LILRB4: variants seen among roughly 807,000 people sequenced by gnomAD.
LILRB4 encodes the protein leukocyte immunoglobulin-like receptor subfamily B member 4.
Under a neutral mutation model 55.2 loss-of-function variants are expected in LILRB4, and 49 were observed. The ratio of observed to expected loss-of-function variants is 0.89; its 90% CI spans 0.71 to 1.13. The LOEUF (loss-of-function observed/expected upper bound fraction) is 1.13, where lower values mean the gene tolerates loss of function less well. LILRB4 is among the 50% of genes most tolerant of loss of function. The pLI is 0.00. For missense variants in LILRB4, 590 were observed against 555.2 expected, an observed-to-expected ratio of 1.06 and a Z score of -0.63; for synonymous variants, 229 against 213.8, an observed-to-expected ratio of 1.07 and a Z score of -0.62.
rs960308849 is a variant in LILRB4, at chr19:54,666,632, C to T, written c.989-65C>T. ...GGCACTAATGGGAACAGGGCAGGGACCAGCAGGAATGAGAGGTCCCAGGGA... is the reference window on the plus strand; with the variant it reads ...GGCACTAATGGGAACAGGGCAGGGATCAGCAGGAATGAGAGGTCCCAGGGA... On this transcript the variant is annotated intron_variant, in intron 9 of 11. Coordinates refer to ENST00000430952, the Ensembl canonical transcript of LILRB4. This position sits in a 1 kb window ranked among gnomAD's most constrained non-coding sequence, Gnocchi z 4.8. The T allele has an allele frequency of 6.4e-7, 1 of 1,552,178 alleles. No homozygotes were observed. Among genetic ancestry groups the T allele is most frequent in the African/African-American group, 1.4e-5 (1 of 73,686 alleles).
Position 54,667,636 on chromosome 19 carries a change from A to C in LILRB4, c.1042-2A>C, listed in dbSNP as rs747155059. The C allele has an allele frequency of 6.2e-7, 1 of 1,610,242 alleles. No homozygotes were observed. The highest frequency in any genetic ancestry group is 1.7e-5 in the Admixed American group (1 of 59,870). ...CCCCCCACCACTGTCTCTCTCCAGCAGAGCCCACACGATGAAGACCCCCAG... is the reference window on the plus strand; with the variant it reads ...CCCCCCACCACTGTCTCTCTCCAGCCGAGCCCACACGATGAAGACCCCCAG... On this transcript the variant is annotated splice_acceptor_variant, in intron 10 of 11. Coordinates refer to ENST00000430952, the Ensembl canonical transcript of LILRB4. LOFTEE classifies it high-confidence loss of function.
Position 54,666,272 on chromosome 19 carries a change from G to T in LILRB4, c.907G>T (p.Gly303Trp), listed in dbSNP as rs200205238. Residue 303 changes from glycine to tryptophan, a missense_variant, in exon 8 of 12, where the codon GGG becomes TGG. Transcript: ENST00000430952. The surrounding 1 kb of genome is among the most constrained non-coding windows in gnomAD (Gnocchi z 4.8). The stretch of plus-strand genomic sequence containing the variant: ...ACAGGCTGATTTCCAACGTCCTCCA[G>T]GGGCTGCCGAGCCAGAGCCCAAGGA... 8 of 1,608,888 alleles carry T rather than the reference G, an allele frequency of 5.0e-6. No homozygotes were observed. In the African/African-American group the frequency reaches 1.1e-4, roughly 22 times the overall value.
chr19:54,667,519 C>A, intron 10 of LILRB4, 116 bp from the exon 11 acceptor site: 1 of 1,543,100 alleles, frequency 6.5e-7, no homozygotes, highest in Non-Finnish European at 8.7e-7. Context: ...CTTAGGGCAT[C>A]CCTGAGATTC....
chr19:54,663,016 C>T (rs1176233164), exon 1 of LILRB4: 2 of 1,613,882 alleles, frequency 1.2e-6, no homozygotes, highest in East Asian at 2.2e-5. Flanking sequence ...ACAGCTGGGG[C>T]CCCTGGGAGG....
chr19:54,667,908 C>T (rs191773308), exon 12 of LILRB4: 116 of 1,611,768 alleles, frequency 7.2e-5, no homozygotes, highest in East Asian at 2.2e-4. Flanking sequence ...ATGTGACCTA[C>T]GCCCGGCTGC....
chr19:54,663,319 G>A (rs1288595671), intron 1 of LILRB4, among the ~76,000 whole-genome samples: 2 of 151,854 alleles, frequency 1.3e-5, no homozygotes, highest in Non-Finnish European at 2.9e-5. Context: ...GGTTGCAGGC[G>A]CCTGTGGTCC....
rs1423505548 is a variant in LILRB4, at chr19:54,666,528, G to A, written c.988+92G>A. 6.6e-7 allele frequency: 1 copy of A among 1,521,910 alleles called. No homozygotes were observed. Among genetic ancestry groups the A allele is most frequent in the Admixed American group, 1.7e-5 (1 of 57,316 alleles). 94.3% of individuals were successfully genotyped at this position (1,521,910 alleles called of 1,614,324 possible). ...GGGGCAGGAGCACAGGCTAGGATTG[G>A]TCAGGGACTCAGGGAGAAGTGGTCT... On this transcript the variant is annotated intron_variant, in intron 9 of 11. Coordinates refer to ENST00000430952, the Ensembl canonical transcript of LILRB4. This position sits in a 1 kb window ranked among gnomAD's most constrained non-coding sequence, Gnocchi z 4.8.
At chr19:54,664,032 A>G (rs1200538291) in exon 3 of LILRB4, 2 of 1,593,746 alleles carry the variant, frequency 1.3e-6, no homozygotes, top group South Asian at 1.1e-5. Flanking sequence ...GGAGCTGGTG[A>G]TGACAGGTGA....
exon 12 of LILRB4, chr19:54,668,278 A>T (rs2065387714): frequency 6.1e-6 from 3 of 488,294 alleles, no homozygotes; most frequent in South Asian, 7.3e-5. Context: ...AATGTTTTAA[A>T]TTGAATGATC....
chr19:54,666,688 C>G lies in LILRB4; in HGVS notation c.989-9C>G, dbSNP rs769135058. 33 of 1,613,782 alleles carry G rather than the reference C, an allele frequency of 2.0e-5. 1 individual carries two copies. In the South Asian group the frequency reaches 2.6e-4, roughly 13 times the overall value. ...CCCAGGAGATGAACCCCTTGCTCTA[C>G]CCCAGCAGGTGCTGCCGTGAAGAAC... On this transcript the variant is annotated splice_polypyrimidine_tract_variant and intron_variant, in intron 9 of 11. Transcript: ENST00000430952. This position sits in a 1 kb window ranked among gnomAD's most constrained non-coding sequence, Gnocchi z 4.8.
rs764710142 is a variant in LILRB4, at chr19:54,665,936, G to A, written c.874+5G>A. Reference sequence around the variant, plus strand: ...AGGGAAAACACAGGACATTGGGTAAGTAGGAAATTGGGGGACCCGTGGGCT... The same window carrying A: ...AGGGAAAACACAGGACATTGGGTAAATAGGAAATTGGGGGACCCGTGGGCT... On this transcript the variant is annotated splice_donor_5th_base_variant and intron_variant, in intron 7 of 11. Coordinates refer to ENST00000430952, the Ensembl canonical transcript of LILRB4. The surrounding 1 kb of genome is among the most constrained non-coding windows in gnomAD (Gnocchi z 5.5). 2 of 1,613,986 alleles carry A rather than the reference G, an allele frequency of 1.2e-6. No homozygotes were observed. Among genetic ancestry groups the A allele is most frequent in the South Asian group, 2.2e-5 (2 of 91,056 alleles).
In LILRB4 at chr19:54,666,532, G is replaced by A; in HGVS notation, c.988+96G>A. On this transcript the variant is annotated intron_variant, in intron 9 of 11. Coordinates refer to ENST00000430952, the Ensembl canonical transcript of LILRB4. This position sits in a 1 kb window ranked among gnomAD's most constrained non-coding sequence, Gnocchi z 4.8. ...CAGGAGCACAGGCTAGGATTGGTCA[G>A]GGACTCAGGGAGAAGTGGTCTGAAC... 2 of 1,506,940 alleles carry A rather than the reference G, an allele frequency of 1.3e-6. No individual in the cohort carries two copies. Among genetic ancestry groups the A allele is most frequent in the Non-Finnish European group, 1.8e-6 (2 of 1,094,364 alleles). The allele number at this position is 1,506,940 out of a possible 1,614,324, so 93.3% of individuals were successfully genotyped here.
rs547079773 is a variant in LILRB4 at position 54,664,914 on chromosome 19, A to G, written c.706+65A>G. The G allele has an allele frequency of 3.5e-5, 52 of 1,477,058 alleles. No homozygotes were observed. In the South Asian group the frequency reaches 5.4e-4, roughly 15 times the overall value. The allele number at this position is 1,477,058 out of a possible 1,614,324, so 91.5% of individuals were successfully genotyped here. ...CCGAGGCCTGTCTCAAGACATGCTC[A>G]GTGGATCTAAGTCCTCGTTCCAATT... On this transcript the variant is annotated intron_variant, in intron 5 of 11. Transcript: ENST00000430952.
chr19:54,663,051 G>A lies in LILRB4; in HGVS notation c.18G>A (p.Thr6=), dbSNP rs36220282. 1.8e-3 allele frequency: 2,942 copies of A among 1,613,792 alleles called. 9 individuals are homozygous for A. The highest frequency in any genetic ancestry group is 8.3e-3 in the Middle Eastern group (50 of 6,052). The change falls in exon 1 of 12, where the codon ACG becomes ACA. Residue 6 remains threonine, a synonymous_variant. Transcript: ENST00000430952. ...GAGACGCCATGATCCCCACCTTCAC[G>A]GCTCTGCTCTGCCTCGGTGAGATTT...
rs530789994 is a variant in LILRB4 at position 54,666,448 on chromosome 19, G to C, written c.988+12G>C. 6.2e-7 allele frequency: 1 copy of C among 1,614,068 alleles called. No homozygotes were observed. Among genetic ancestry groups the C allele is most frequent in the African/African-American group, 1.3e-5 (1 of 75,066 alleles). On this transcript the variant is annotated intron_variant, in intron 9 of 11. Coordinates refer to ENST00000430952, the Ensembl canonical transcript of LILRB4. The surrounding 1 kb of genome is among the most constrained non-coding windows in gnomAD (Gnocchi z 4.8). The stretch of plus-strand genomic sequence containing the variant: ...GGGAGAAAACTTCTGTGAGTGAGAG[G>C]CAGAGAAGGTGCACCTGGGGTGGAG...
At chr19:54,663,872 G>A in exon 3 of LILRB4, 1 of 1,614,186 alleles carries the variant, frequency 6.2e-7, no homozygotes, top group Non-Finnish European at 8.5e-7. Context: ...TGGATAAAGA[G>A]GAAAGCCCAG....
exon 4 of LILRB4, chr19:54,664,465 C>T: frequency 1.2e-6 from 2 of 1,606,858 alleles, no homozygotes; most frequent in Non-Finnish European, 1.7e-6. Flanking sequence ...CCCAGTGACC[C>T]CCTGGAGCTC....
chr19:54,667,518 TC>T (rs2065338875), intron 10 of LILRB4, 116 bp from the exon 11 acceptor site: 1 of 1,540,692 alleles, frequency 6.5e-7, no homozygotes, highest in African/African-American at 1.4e-5. Context: ...CCTTAGGGCA[TC>T]CCTGAGATTC....
chr19:54,664,030 T>A, exon 3 of LILRB4: 1 of 1,613,700 alleles, frequency 6.2e-7, no homozygotes, highest in African/African-American at 1.3e-5. Context: ...CTGGAGCTGG[T>A]GATGACAGGT....
Sources: gnomAD v4.1 joint callset for allele counts (sites outside exome capture counted in the v4.1 genomes callset) on GRCh38, gnomAD v4.1.1 for gene constraint, Gnocchi (gnomAD v3.1) non-coding constraint, MANE v1.5 for transcripts, NCBI Gene and HGNC (gene_info 2026-07-23, HGNC 2026-07-21) for gene names.